Variants in DLG2 observed in about 807,000 individuals in gnomAD.
The protein encoded by DLG2 is disks large homolog 2.
In DLG2, 45 loss-of-function variants were observed where a neutral mutation model predicts 132.5. The ratio of observed to expected loss-of-function variants is 0.34; its 90% CI spans 0.27 to 0.44. DLG2 has a LOEUF of 0.44. Among genes scored for constraint, DLG2 ranks in the 20% least tolerant of loss-of-function variants. The probability of loss-of-function intolerance (pLI) is 1.00; values close to 1 mark genes in which losing one functional copy is unlikely to be tolerated. For synonymous variants in DLG2, 424 were observed against 419.6 expected (o/e 1.01, Z -0.13); for missense variants, 1,045 against 1,196.9 (o/e 0.87, Z 1.87).
chr11:84,952,791 T>A (rs1193882056), intron 6 of DLG2, among the ~76,000 whole-genome samples: 1 of 152,228 alleles, frequency 6.6e-6, no homozygotes, highest in Non-Finnish European at 1.5e-5. Context: ...AAGGGTACAT[T>A]GAGGGTTGTA....
intron 9 of DLG2, among the ~76,000 whole-genome samples, chr11:84,158,348 C>G (rs1164574812): frequency 6.6e-6 from 1 of 152,150 alleles, no homozygotes; most frequent in Non-Finnish European, 1.5e-5. Flanking sequence ...CAGGCATGAG[C>G]CACCGCCCCT....
In DLG2 at chr11:83,892,926, C is replaced by A. The variant is rs1036043352; in HGVS notation, c.1497-18438G>T. Among the ~76,000 whole-genome samples the A allele has an allele frequency of 8.5e-5, 13 of 152,104 alleles. 1 individual carries two copies. Among genetic ancestry groups the A allele is most frequent in the African/African-American group, 2.9e-4 (12 of 41,414 alleles). ...CTTCAAGCATATATAATCTAACTTG[C>A]GAGAAAGGACATTTATTTGGTCATT... On this transcript the variant is annotated intron_variant, in intron 15 of 27. Coordinates refer to ENST00000376104, the MANE Select transcript of DLG2 (RefSeq NM_001142699.3).
chr11:84,753,685 T>C (rs1051007750), intron 6 of DLG2, among the ~76,000 whole-genome samples: 1 of 152,198 alleles, frequency 6.6e-6, no homozygotes, highest in Non-Finnish European at 1.5e-5. Flanking sequence ...TTGGGAGTTA[T>C]AAGAACGTGT....
At chr11:85,228,443 G>T (rs1476085370) in intron 4 of DLG2, among the ~76,000 whole-genome samples, 1 of 152,068 alleles carries the variant, frequency 6.6e-6, no homozygotes, top group African/African-American at 2.4e-5. Flanking sequence ...CAATGAAGCA[G>T]GGAAATACAT....
At chr11:83,998,859 G>C (rs78028175) in intron 11 of DLG2, among the ~76,000 whole-genome samples, 1,772 of 152,242 alleles carry the variant, frequency 0.012, 25 homozygotes, top group African/African-American at 0.041. Context: ...TGTAATCCCT[G>C]GGTCTGAGCC....
At chr11:83,761,753 T>A (rs1049596241) in intron 18 of DLG2, among the ~76,000 whole-genome samples, 1 of 152,236 alleles carries the variant, frequency 6.6e-6, no homozygotes, top group South Asian at 2.1e-4. Context: ...TGTTCCCTAA[T>A]ACATGGGAAA....
intron 6 of DLG2, among the ~76,000 whole-genome samples, chr11:84,670,358 C>G (rs2099704399): frequency 6.6e-6 from 1 of 152,028 alleles, no homozygotes; most frequent in Non-Finnish European, 1.5e-5. Flanking sequence ...ATATTTAAAG[C>G]AACAAAGCAC....
intron 3 of DLG2, among the ~76,000 whole-genome samples, chr11:85,347,408 A>C (rs1288157642): frequency 6.6e-6 from 1 of 152,132 alleles, no homozygotes; most frequent in Non-Finnish European, 1.5e-5. Flanking sequence ...CCAGACCTGG[A>C]TGGACTTTTT....
intron 6 of DLG2, among the ~76,000 whole-genome samples, chr11:84,572,332 G>A (rs902117799): frequency 6.6e-6 from 1 of 152,112 alleles, no homozygotes; most frequent in South Asian, 2.1e-4. Context: ...GACTTGCTTT[G>A]GCCAATGGAA....
intron 6 of DLG2, among the ~76,000 whole-genome samples, chr11:84,610,268 T>C (rs2099593010): frequency 6.6e-6 from 1 of 152,104 alleles, no homozygotes; most frequent in Non-Finnish European, 1.5e-5. Context: ...ATTAATATCA[T>C]AAAATTAATA....
intron 8 of DLG2, among the ~76,000 whole-genome samples, chr11:84,194,587 G>T (rs2096480062): frequency 6.6e-6 from 1 of 152,190 alleles, no homozygotes; most frequent in African/African-American, 2.4e-5. Flanking sequence ...ACAGAGAGCT[G>T]ATTGGTCCAT....
At chr11:85,484,898 C>G (rs571780228) in intron 3 of DLG2, among the ~76,000 whole-genome samples, 2 of 152,154 alleles carry the variant, frequency 1.3e-5, no homozygotes, top group South Asian at 4.1e-4. Flanking sequence ...AAGACACATG[C>G]ACACATATGT....
intron 6 of DLG2, among the ~76,000 whole-genome samples, chr11:85,071,575 G>A (rs776246719): frequency 1.3e-5 from 2 of 151,774 alleles, no homozygotes; most frequent in African/African-American, 4.8e-5. Flanking sequence ...AAATATGCAA[G>A]TGCTTCATTG....
At chr11:85,086,387 A>G (rs1356278771) in intron 6 of DLG2, among the ~76,000 whole-genome samples, 1 of 152,234 alleles carries the variant, frequency 6.6e-6, no homozygotes, top group Non-Finnish European at 1.5e-5. Flanking sequence ...AACAATAGTT[A>G]TAGAAAGTGA....
At chr11:85,428,305 C>T (rs182233670) in intron 3 of DLG2, among the ~76,000 whole-genome samples, 1 of 152,186 alleles carries the variant, frequency 6.6e-6, no homozygotes, top group Admixed American at 6.5e-5. Flanking sequence ...ACTCTCCACC[C>T]CAAATCAACA....
chr11:83,513,865 T>C (rs1478357555), intron 21 of DLG2, among the ~76,000 whole-genome samples: 1 of 152,220 alleles, frequency 6.6e-6, no homozygotes, highest in African/African-American at 2.4e-5. Context: ...TTCTGAGGGC[T>C]CTGTTCTGTT....
intron 5 of DLG2, among the ~76,000 whole-genome samples, chr11:85,143,639 T>G (rs553525303): frequency 6.6e-6 from 1 of 151,938 alleles, no homozygotes; most frequent in Admixed American, 6.6e-5. Context: ...CATTTTCATT[T>G]GTTTCATAAA....
chr11:84,802,755 G>C (rs961514108), intron 6 of DLG2, among the ~76,000 whole-genome samples: 16 of 151,798 alleles, frequency 1.1e-4, no homozygotes, highest in African/African-American at 3.6e-4. Context: ...GATGAAAGTA[G>C]AAAAAAGCAA....
intron 6 of DLG2, among the ~76,000 whole-genome samples, chr11:85,054,989 G>T (rs1456686942): frequency 2.0e-5 from 3 of 152,008 alleles, no homozygotes; most frequent in Non-Finnish European, 4.4e-5. Flanking sequence ...TAACAAACCT[G>T]CATGTGTAAC....
Sources: gnomAD v4.1 joint callset for allele counts (sites outside exome capture counted in the v4.1 genomes callset) on GRCh38, gnomAD v4.1.1 for gene constraint, MANE v1.5 for transcripts, NCBI Gene and HGNC (gene_info 2026-07-23, HGNC 2026-07-21) for gene names.